Variants in NAV2 observed in about 807,000 individuals in gnomAD.
NAV2 encodes the protein neuron navigator 2.
In NAV2, 54 loss-of-function variants were observed where a neutral mutation model predicts 223.2. That is an observed-to-expected ratio of 0.24 (90% CI 0.19 to 0.30). The LOEUF (loss-of-function observed/expected upper bound fraction) is 0.30, where lower values mean the gene tolerates loss of function less well. NAV2 is among the 10% of genes least tolerant of loss of function. The pLI, the probability that NAV2 is intolerant of heterozygous loss-of-function variation, is 1.00. For synonymous variants in NAV2, 1,279 were observed against 1,239.3 expected (o/e 1.03, Z -0.67); for missense variants, 2,806 against 3,147.5 (o/e 0.89, Z 2.60).
intron 1 of NAV2, among the ~76,000 whole-genome samples, chr11:19,752,223 C>T (rs528338204): frequency 9.3e-4 from 142 of 152,268 alleles, no homozygotes; most frequent in Admixed American, 2.0e-3. Flanking sequence ...TTTGGCAAAG[C>T]CCACACGAGG....
intron 2 of NAV2, among the ~76,000 whole-genome samples, chr11:19,841,078 A>G (rs531646181): frequency 5.0e-4 from 76 of 152,344 alleles, no homozygotes; most frequent in African/African-American, 1.7e-3. Flanking sequence ...TACAATGCCT[A>G]TCCTAGTGTT....
chr11:19,974,258 A>G (rs2049509527), intron 10 of NAV2, among the ~76,000 whole-genome samples: 1 of 152,182 alleles, frequency 6.6e-6, no homozygotes, highest in African/African-American at 2.4e-5. Context: ...CAAGAGAATT[A>G]CTTGCATGTC....
chr11:19,428,075 A>C (rs755451593), intron 1 of NAV2, among the ~76,000 whole-genome samples: 1 of 152,172 alleles, frequency 6.6e-6, no homozygotes, highest in Non-Finnish European at 1.5e-5. Context: ...CTGAGGTTGT[A>C]AAAGGATTCT....
chr11:19,969,171 A>G (rs2153424681), intron 10 of NAV2, among the ~76,000 whole-genome samples: 1 of 152,308 alleles, frequency 6.6e-6, no homozygotes, highest in East Asian at 1.9e-4. Context: ...TGTGCTCCCC[A>G]CTATACTGCT....
chr11:19,796,566 C>T (rs1251225505), intron 1 of NAV2, among the ~76,000 whole-genome samples: 3 of 152,216 alleles, frequency 2.0e-5, no homozygotes, highest in African/African-American at 7.2e-5. Context: ...CAAGGTCACA[C>T]AGCTGTTAGG....
At chr11:19,444,135 G>A (rs1039979074) in intron 1 of NAV2, among the ~76,000 whole-genome samples, 11 of 152,166 alleles carry the variant, frequency 7.2e-5, no homozygotes, top group Admixed American at 4.6e-4. Context: ...TAGAGACGAG[G>A]TTTCACCATC....
At chr11:19,602,406 G>A (rs2046372766) in intron 1 of NAV2, among the ~76,000 whole-genome samples, 1 of 152,162 alleles carries the variant, frequency 6.6e-6, no homozygotes, top group Admixed American at 6.5e-5. Context: ...TTGAGCTCCT[G>A]ACCTCATGAT....
chr11:19,529,372 G>T (rs2043952005), intron 1 of NAV2, among the ~76,000 whole-genome samples: 1 of 152,186 alleles, frequency 6.6e-6, no homozygotes, highest in Admixed American at 6.5e-5. Flanking sequence ...AGTGCTGGGG[G>T]TACAGCTGCT....
chr11:19,533,942 G>A (rs370090971), intron 1 of NAV2, among the ~76,000 whole-genome samples: 2 of 132,372 alleles, frequency 1.5e-5, no homozygotes, highest in Non-Finnish European at 2.9e-5. Context: ...TCCTGACCTC[G>A]TGATCCGCCC....
intron 37 of NAV2, among the ~76,000 whole-genome samples, chr11:20,116,506 T>C (rs1319088613): frequency 6.6e-6 from 1 of 152,202 alleles, no homozygotes; most frequent in Non-Finnish European, 1.5e-5. Flanking sequence ...GTCACGGAGG[T>C]ATTTTTTGCA....
chr11:19,369,135 G>A (rs960958826), intron 1 of NAV2, among the ~76,000 whole-genome samples: 1 of 152,210 alleles, frequency 6.6e-6, no homozygotes, highest in Non-Finnish European at 1.5e-5. Context: ...GCAGTTAGCA[G>A]GGTCCTTGGA....
intron 1 of NAV2, among the ~76,000 whole-genome samples, chr11:19,589,767 G>T (rs896755049): frequency 6.6e-6 from 1 of 152,194 alleles, no homozygotes; most frequent in African/African-American, 2.4e-5. Flanking sequence ...GCTGCTCCCA[G>T]CGTGGGAGCA....
At chr11:19,364,330 A>C (rs903167004) in intron 1 of NAV2, among the ~76,000 whole-genome samples, 4 of 152,234 alleles carry the variant, frequency 2.6e-5, no homozygotes, top group Non-Finnish European at 5.9e-5. Context: ...ACAGTATCAC[A>C]GAAGCCGTAG....
intron 10 of NAV2, among the ~76,000 whole-genome samples, chr11:19,979,839 G>A (rs1308641945): frequency 6.6e-6 from 1 of 152,184 alleles, no homozygotes; most frequent in African/African-American, 2.4e-5. Flanking sequence ...AGAAGAAATT[G>A]CGCTGAAATG....
chr11:19,914,329 T>C (rs929515194), intron 6 of NAV2, among the ~76,000 whole-genome samples: 1 of 152,182 alleles, frequency 6.6e-6, no homozygotes, highest in African/African-American at 2.4e-5. Flanking sequence ...TTTTGCCTAG[T>C]CTGTTCTGCC....
chr11:19,993,916 G>A (rs2625333), intron 11 of NAV2, among the ~76,000 whole-genome samples: 150,962 of 152,346 alleles, frequency 0.99, 74,811 homozygotes, highest in East Asian at 1. Flanking sequence ...TGGGATCCAA[G>A]GATGAGTGGG....
intron 3 of NAV2, among the ~76,000 whole-genome samples, chr11:19,860,826 G>A (rs2061721074): frequency 6.6e-6 from 1 of 152,004 alleles, no homozygotes; most frequent in Admixed American, 6.5e-5. Context: ...GTTAGGAGCT[G>A]GAGACCAGCC....
intron 1 of NAV2, among the ~76,000 whole-genome samples, chr11:19,534,940 T>C (rs1457450392): frequency 6.6e-6 from 1 of 152,206 alleles, no homozygotes; most frequent in African/African-American, 2.4e-5. Context: ...AGTTTTATCA[T>C]TTTGGAAATG....
intron 1 of NAV2, among the ~76,000 whole-genome samples, chr11:19,521,417 G>A (rs2043651378): frequency 6.6e-6 from 1 of 152,162 alleles, no homozygotes; most frequent in African/African-American, 2.4e-5. Context: ...ATCGGAGCTG[G>A]CTCTCTAAGT....
Sources: allele counts gnomAD v4.1 joint callset (sites outside exome capture counted in the v4.1 genomes callset), GRCh38; gene constraint gnomAD v4.1.1; transcripts MANE v1.5; gene names NCBI Gene and HGNC (gene_info 2026-07-23, HGNC 2026-07-21).